The following ADAM22 variants were observed in gnomAD, a reference collection of about 807,000 sequenced individuals.
The protein encoded by ADAM22 is ADAM metallopeptidase domain 22, also known as disintegrin and metalloproteinase domain-containing protein 22.
ADAM22 carries 65 observed loss-of-function variants against 144.6 expected under a neutral mutation model. The observed-to-expected ratio is 0.45, with a 90% confidence interval of 0.37 to 0.55. ADAM22 has a LOEUF of 0.55. ADAM22 is among the 20% of genes least tolerant of loss of function. ADAM22 has a pLI of 0.00. For synonymous variants in ADAM22, 391 were observed against 412.6 expected (o/e 0.95, Z 0.63); for missense variants, 974 against 1,184.9 (o/e 0.82, Z 2.61).
chr7:87,990,210 TAC>T (rs1299113105), intron 3 of ADAM22, among the ~76,000 whole-genome samples: 2 of 152,248 alleles, frequency 1.3e-5, no homozygotes, highest in East Asian at 3.9e-4. Flanking sequence ...CAAACAGTGA[TAC>T]AGTGTGTAAA....
intron 8 of ADAM22, among the ~76,000 whole-genome samples, chr7:88,127,403 G>A (rs1648169388): frequency 6.6e-6 from 1 of 151,848 alleles, no homozygotes; most frequent in Non-Finnish European, 1.5e-5. Context: ...GGGATTTGTT[G>A]AAAAATTTGC....
intron 3 of ADAM22, among the ~76,000 whole-genome samples, chr7:88,042,491 A>G (rs1032473236): frequency 6.6e-6 from 1 of 152,002 alleles, no homozygotes; most frequent in Non-Finnish European, 1.5e-5. Context: ...ACATGCAACA[A>G]TCTTTTGTAT....
intron 3 of ADAM22, among the ~76,000 whole-genome samples, chr7:87,984,740 G>A (rs1854527449): frequency 6.6e-6 from 1 of 152,162 alleles, no homozygotes; most frequent in Non-Finnish European, 1.5e-5. Flanking sequence ...GAGTGCAATG[G>A]CGTGATCTCG....
intron 4 of ADAM22, among the ~76,000 whole-genome samples, chr7:88,077,417 C>T (rs1008140004): frequency 3.3e-5 from 5 of 152,152 alleles, no homozygotes; most frequent in South Asian, 4.1e-4. Context: ...CCAGCGTGAG[C>T]GATGCAGAAG....
intron 3 of ADAM22, among the ~76,000 whole-genome samples, chr7:88,019,074 A>G (rs1294396388): frequency 6.6e-6 from 1 of 152,284 alleles, no homozygotes; most frequent in Middle Eastern, 3.4e-3. Flanking sequence ...CTAAACCAAA[A>G]AAAAAAAAGT....
chr7:88,164,894 A>G (rs1163583961), intron 23 of ADAM22, among the ~76,000 whole-genome samples: 1 of 152,100 alleles, frequency 6.6e-6, no homozygotes. Flanking sequence ...TCCCTTAGTA[A>G]GACAGGAGTG....
intron 24 of ADAM22, among the ~76,000 whole-genome samples, chr7:88,167,157 A>C (rs1331799779): frequency 5.3e-5 from 8 of 152,142 alleles, no homozygotes. Flanking sequence ...CTGATGTATA[A>C]AAGGATGCCT....
At chr7:88,012,448 G>A (rs1405196446) in intron 3 of ADAM22, among the ~76,000 whole-genome samples, 1 of 152,080 alleles carries the variant, frequency 6.6e-6, no homozygotes, top group Admixed American at 6.6e-5. Context: ...TAGGAGCAAA[G>A]GTATATAGGT....
At chr7:87,943,204 G>A (rs1842808383) in intron 2 of ADAM22, among the ~76,000 whole-genome samples, 1 of 150,170 alleles carries the variant, frequency 6.7e-6, no homozygotes, top group Non-Finnish European at 1.5e-5. Context: ...CATGTACCAG[G>A]CATTGTATTG....
chr7:88,144,002 A>G lies in ADAM22; in HGVS notation c.1320+877A>G, dbSNP rs555058344. ...ATTATTATAAACCCAGAGTAAGAGA[A>G]TAAGTGTGGTTATCATTTGGATAAG... On this transcript the variant is annotated intron_variant, in intron 15 of 31. Coordinates refer to ENST00000413139, the MANE Select transcript of ADAM22 (RefSeq NM_001324418.2). 2.0e-5 allele frequency among the ~76,000 whole-genome samples: 3 copies of G among 152,352 alleles called. No homozygotes were observed. In the East Asian group the frequency reaches 5.8e-4, roughly 29 times the overall value.
rs11351127 is a variant in ADAM22, at chr7:87,974,303, CAAA to C, written c.247-4020_247-4018del. Among the ~76,000 whole-genome samples, 162 of 112,338 alleles carry C rather than the reference CAAA, an allele frequency of 1.4e-3. 1 individual carries two copies. Among genetic ancestry groups the C allele is most frequent in the African/African-American group, 4.7e-3 (153 of 32,874 alleles). The allele number at this position is 112,338 out of a possible 152,430, so 73.7% of individuals were successfully genotyped here. A position where few individuals can be genotyped will look rare whatever the true frequency, so the allele number is the denominator to read the frequency against. ...TGGGCGACAGAGCGAGACTCTGTCT[CAAA>C]AAAAAAAAAAAAGAAAAAAAATAAA... On this transcript the variant is annotated intron_variant, in intron 2 of 31. Coordinates refer to ENST00000413139, the MANE Select transcript of ADAM22 (RefSeq NM_001324418.2).
intron 30 of ADAM22, among the ~76,000 whole-genome samples, chr7:88,192,844 A>G (rs2129541122): frequency 6.6e-6 from 1 of 152,274 alleles, no homozygotes; most frequent in South Asian, 2.1e-4. Flanking sequence ...CTTTTTATCT[A>G]TTCTATAGGA....
intron 3 of ADAM22, among the ~76,000 whole-genome samples, chr7:87,986,527 G>C (rs1377935429): frequency 6.6e-6 from 1 of 152,284 alleles, no homozygotes; most frequent in East Asian, 1.9e-4. Context: ...GAGGCAACAG[G>C]ACCCCAGGGA....
chr7:88,034,734 T>C (rs1210952045), intron 3 of ADAM22, among the ~76,000 whole-genome samples: 1 of 152,134 alleles, frequency 6.6e-6, no homozygotes, highest in Non-Finnish European at 1.5e-5. Flanking sequence ...CGATTCCCCT[T>C]TGGCTAGGGC....
chr7:87,964,988 CTCTT>C (rs1207724649), intron 2 of ADAM22, among the ~76,000 whole-genome samples: 1 of 152,196 alleles, frequency 6.6e-6, no homozygotes, highest in Admixed American at 6.5e-5. Flanking sequence ...TCTGTTTTCT[CTCTT>C]TCTTTCTCTT....
At position 88,125,501 on chromosome 7, in the gene ADAM22, A is replaced by T. The variant is rs377218449; in HGVS notation, c.608-88A>T. ...TGCAACATTATGTATTATAAAATTC[A>T]TAAGAAGGAAGGGCAGGTAAAACTT... On this transcript the variant is annotated intron_variant, in intron 7 of 31. Transcript: ENST00000413139. The T allele has an allele frequency of 2.6e-5, 21 of 813,180 alleles. No homozygotes were observed. In the East Asian group the frequency reaches 5.2e-4, roughly 20 times the overall value. The allele number at this position is 813,180 out of a possible 1,614,324, so 50.4% of individuals were successfully genotyped here.
chr7:88,064,684 G>A (rs1810757166), intron 3 of ADAM22, among the ~76,000 whole-genome samples: 1 of 152,014 alleles, frequency 6.6e-6, no homozygotes, highest in Non-Finnish European at 1.5e-5. Flanking sequence ...AGGGCAAAGG[G>A]GACTAACTTT....
At chr7:88,065,342 A>G (rs1206286432) in intron 3 of ADAM22, among the ~76,000 whole-genome samples, 1 of 152,072 alleles carries the variant, frequency 6.6e-6, no homozygotes, top group Admixed American at 6.6e-5. Flanking sequence ...TGTATGGAAA[A>G]TATTTCGTTT....
At chr7:88,086,955 A>G (rs1004848247) in intron 4 of ADAM22, among the ~76,000 whole-genome samples, 9 of 152,208 alleles carry the variant, frequency 5.9e-5, no homozygotes, top group Admixed American at 2.6e-4. Flanking sequence ...ATGATGTGAT[A>G]GTCACATAAA....
Sources: gnomAD v4.1 joint callset for allele counts (sites outside exome capture counted in the v4.1 genomes callset) on GRCh38, gnomAD v4.1.1 for gene constraint, MANE v1.5 for transcripts, NCBI Gene and HGNC (gene_info 2026-07-23, HGNC 2026-07-21) for gene names.